The following NEK7 variants were observed in gnomAD, a reference collection of about 807,000 sequenced individuals.
The protein encoded by NEK7 is serine/threonine-protein kinase Nek7.
A neutral mutation model predicts 44.6 loss-of-function variants in NEK7; 18 were observed. That is an observed-to-expected ratio of 0.40 (90% confidence interval 0.28 to 0.60). The LOEUF is 0.60. NEK7 is among the 20% of genes least tolerant of loss of function. The pLI, the probability that NEK7 is intolerant of heterozygous loss-of-function variation, is 0.38. For synonymous variants in NEK7, 130 were observed against 121.1 expected (o/e 1.07, Z -0.48); for missense variants, 256 against 366.5 (o/e 0.70, Z 2.46).
intron 7 of NEK7, among the ~76,000 whole-genome samples, chr1:198,290,295 G>T (rs1654513677): frequency 6.6e-6 from 1 of 152,122 alleles, no homozygotes; most frequent in African/African-American, 2.4e-5. Flanking sequence ...GCTGTTAAAA[G>T]AAGTCACAAC....
At chr1:198,206,823 A>T (rs1191264223) in intron 1 of NEK7, 1 of 152,148 alleles carries the variant, frequency 6.6e-6, no homozygotes, top group African/African-American at 2.4e-5. Context: ...TCAGTATTCC[A>T]TTCCTATTGA....
At chr1:198,267,334 A>G (rs1653685920) in intron 5 of NEK7, among the ~76,000 whole-genome samples, 1 of 152,120 alleles carries the variant, frequency 6.6e-6, no homozygotes, top group African/African-American at 2.4e-5. Flanking sequence ...GGGGAAGTCA[A>G]ATAAAATGCT....
At chr1:198,286,361 G>A (rs571177072) in intron 7 of NEK7, among the ~76,000 whole-genome samples, 128 of 150,942 alleles carry the variant, frequency 8.5e-4, no homozygotes, top group South Asian at 3.2e-3. Flanking sequence ...CTCCTGCTCC[G>A]CCACCCCTGA....
intron 5 of NEK7, among the ~76,000 whole-genome samples, chr1:198,277,517 TATTTC>T (rs1221355029): frequency 6.6e-6 from 1 of 151,916 alleles, no homozygotes; most frequent in Non-Finnish European, 1.5e-5. Flanking sequence ...TAAATTATGA[TATTTC>T]AAATCACCAG....
intron 5 of NEK7, among the ~76,000 whole-genome samples, chr1:198,265,574 T>C (rs1316996574): frequency 1.3e-5 from 2 of 152,044 alleles, no homozygotes; most frequent in Non-Finnish European, 2.9e-5. Context: ...TAGGAGTACA[T>C]ATTTGGCTTT....
At chr1:198,161,187 A>G (rs892930251) in intron 1 of NEK7, among the ~76,000 whole-genome samples, 2 of 152,230 alleles carry the variant, frequency 1.3e-5, no homozygotes, top group Non-Finnish European at 2.9e-5. Flanking sequence ...TTTCTGTTAC[A>G]TAATGGAAAT....
chr1:198,237,253 C>T (rs1038992200), intron 2 of NEK7, among the ~76,000 whole-genome samples: 3 of 152,088 alleles, frequency 2.0e-5, no homozygotes, highest in African/African-American at 7.2e-5. Context: ...TATCTATATC[C>T]CTTACTTAGT....
chr1:198,292,265 A>G (rs1654583090), intron 7 of NEK7, among the ~76,000 whole-genome samples: 1 of 152,106 alleles, frequency 6.6e-6, no homozygotes, highest in South Asian at 2.1e-4. Context: ...GTATTAGCAC[A>G]TCAAAGCAAG....
intron 3 of NEK7, among the ~76,000 whole-genome samples, chr1:198,255,423 CAG>C (rs960780633): frequency 3.9e-5 from 6 of 151,974 alleles, no homozygotes; most frequent in African/African-American, 1.5e-4. Context: ...GTGTGGAAAA[CAG>C]GGCTCAATTC....
At chr1:198,226,975 G>T (rs180785418) in intron 1 of NEK7, among the ~76,000 whole-genome samples, 122 of 152,036 alleles carry the variant, frequency 8.0e-4, no homozygotes. Context: ...CCATTAACTT[G>T]TCATTTAACA....
At chr1:198,273,983 C>T (rs1558089595) in intron 5 of NEK7, among the ~76,000 whole-genome samples, 1 of 151,558 alleles carries the variant, frequency 6.6e-6, no homozygotes, top group East Asian at 1.9e-4. Flanking sequence ...CAACCAGTTA[C>T]TGTCAAACCT....
Position 198,249,743 on chromosome 1 carries a change from T to G in NEK7, c.58-3297T>G, listed in dbSNP as rs560731034. ...ACTTTTTGATGGGGTTGTTTGTTTT[T>G]TTCTTGTAAATTTGTTTGAGTTCAT... is the stretch of plus-strand genomic sequence containing the variant. On this transcript the variant is annotated intron_variant, in intron 2 of 9. Coordinates refer to ENST00000367385, the MANE Select transcript of NEK7 (RefSeq NM_133494.3). Among the ~76,000 whole-genome samples, 3 of 143,874 alleles carry G rather than the reference T, an allele frequency of 2.1e-5. No individual in the cohort carries two copies. In the South Asian group the frequency reaches 7.0e-4, roughly 34 times the overall value. The allele number at this position is 143,874 out of a possible 152,430, so 94.4% of individuals were successfully genotyped here. A position where few individuals can be genotyped will look rare whatever the true frequency, so the allele number is the denominator to read the frequency against.
chr1:198,256,505 A>G, intron 3 of NEK7: 1 of 1,554,116 alleles, frequency 6.4e-7, no homozygotes, highest in South Asian at 1.2e-5. Context: ...TACCTTAACT[A>G]ATAAAACAAT....
intron 1 of NEK7, among the ~76,000 whole-genome samples, chr1:198,228,207 G>T (rs907884313): frequency 6.6e-6 from 1 of 152,100 alleles, no homozygotes; most frequent in Non-Finnish European, 1.5e-5. Context: ...TGAGGGCTCT[G>T]TTCTGTTCCA....
chr1:198,188,774 C>T (rs1248810075), intron 1 of NEK7, among the ~76,000 whole-genome samples: 1 of 152,078 alleles, frequency 6.6e-6, no homozygotes, highest in Non-Finnish European at 1.5e-5. Context: ...CTGAGTTCTG[C>T]TTTCAGAGTT....
chr1:198,209,058 TACAC>T (rs1192947076), intron 1 of NEK7, among the ~76,000 whole-genome samples: 2 of 101,810 alleles, frequency 2.0e-5, no homozygotes, highest in Non-Finnish European at 1.9e-5. Flanking sequence ...TATATATATA[TACAC>T]ACACACATAC....
chr1:198,161,763 G>C (rs975800853), intron 1 of NEK7, among the ~76,000 whole-genome samples: 6 of 151,972 alleles, frequency 3.9e-5, no homozygotes, highest in African/African-American at 1.4e-4. Flanking sequence ...CCTGTCTGTG[G>C]CTCCCTGCTT....
intron 1 of NEK7, among the ~76,000 whole-genome samples, chr1:198,219,155 AC>A (rs1666012497): frequency 6.6e-6 from 1 of 151,756 alleles, no homozygotes; most frequent in African/African-American, 2.4e-5. Context: ...AATGGAATCA[AC>A]CTAAGTACCC....
rs1346738275 is a variant in NEK7 at position 198,197,840 on chromosome 1, A to C, written c.-28-34713A>C. 7 of 845,732 alleles carry C rather than the reference A, an allele frequency of 8.3e-6. No individual in the cohort carries two copies. In the African/African-American group the frequency reaches 1.0e-4, roughly 12 times the overall value. 52.4% of individuals were successfully genotyped at this position (845,732 alleles called of 1,614,324 possible). On this transcript the variant is annotated intron_variant, in intron 1 of 9. Transcript: ENST00000367385. ...CTTGCCATGCTCGTGGTGCTTGTGC[A>C]TCTTTTTGTGAGCTTTCTTCATTTT...
Sources: allele counts gnomAD v4.1 joint callset (sites outside exome capture counted in the v4.1 genomes callset), GRCh38; gene constraint gnomAD v4.1.1; transcripts MANE v1.5; gene names NCBI Gene and HGNC (gene_info 2026-07-23, HGNC 2026-07-21).